The following EYS variants were observed in gnomAD, a reference collection of about 807,000 sequenced individuals.
EYS encodes the protein EGF-like photoreceptor maintenance factor, also known as protein eyes shut homolog.
A neutral mutation model predicts 282.1 loss-of-function variants in EYS; 250 were observed. The ratio of observed to expected loss-of-function variants is 0.89; its 90% CI spans 0.80 to 0.98. The LOEUF (loss-of-function observed/expected upper bound fraction) is 0.98, where lower values mean the gene tolerates loss of function less well. Among genes scored for constraint, EYS ranks in the 50% least tolerant of loss-of-function variants. The pLI, the probability that EYS is intolerant of heterozygous loss-of-function variation, is 0.00. For synonymous variants in EYS, 1,355 were observed against 1,282.9 expected, an observed-to-expected ratio of 1.06 and a Z score of -1.20; for missense variants, 4,016 against 3,709.0, an observed-to-expected ratio of 1.08 and a Z score of -2.15.
At chr6:64,358,058 C>A (rs1393174834) in intron 29 of EYS, among the ~76,000 whole-genome samples, 1 of 151,606 alleles carries the variant, frequency 6.6e-6, no homozygotes, top group African/African-American at 2.4e-5. Flanking sequence ...ATGGATATGT[C>A]TCCTGTTATT....
At chr6:64,475,742 TA>T (rs68076531) in intron 26 of EYS, among the ~76,000 whole-genome samples, 148,222 of 151,880 alleles carry the variant, frequency 0.98, 72,330 homozygotes, top group African/African-American at 0.98. Context: ...GTAAAAGGAA[TA>T]AAAAAAAATC....
chr6:64,390,369 T>C (rs906050248), intron 28 of EYS, among the ~76,000 whole-genome samples: 4 of 152,044 alleles, frequency 2.6e-5, no homozygotes, highest in Non-Finnish European at 5.9e-5. Flanking sequence ...GACTTAAATG[T>C]CCCTGTCTGA....
intron 8 of EYS, among the ~76,000 whole-genome samples, chr6:65,376,090 T>A (rs1765354641): frequency 6.6e-6 from 1 of 152,010 alleles, no homozygotes; most frequent in Non-Finnish European, 1.5e-5. Flanking sequence ...TCTCCAAGGT[T>A]GAAACAAAGG....
intron 28 of EYS, among the ~76,000 whole-genome samples, chr6:64,428,911 C>A (rs1774496842): frequency 6.6e-6 from 1 of 152,092 alleles, no homozygotes; most frequent in Non-Finnish European, 1.5e-5. Context: ...AGTAATTCCA[C>A]ATAAATGCAG....
At chr6:64,865,098 T>G (rs186427253) in intron 19 of EYS, among the ~76,000 whole-genome samples, 147 of 152,282 alleles carry the variant, frequency 9.7e-4, no homozygotes, top group Middle Eastern at 3.4e-3. Flanking sequence ...CTTTTCTGTC[T>G]TAGGATATTG....
chr6:65,278,782 A>C (rs933441416), intron 12 of EYS, among the ~76,000 whole-genome samples: 5 of 152,128 alleles, frequency 3.3e-5, no homozygotes, highest in African/African-American at 1.2e-4. Context: ...AATATACTAC[A>C]TTTACTACCA....
intron 35 of EYS, among the ~76,000 whole-genome samples, chr6:63,950,973 G>T (rs964729287): frequency 6.6e-6 from 1 of 152,038 alleles, no homozygotes; most frequent in Non-Finnish European, 1.5e-5. Context: ...ATGCCTGCTT[G>T]ATTATTCACC....
chr6:63,732,291 AT>A (rs749609922), intron 41 of EYS, among the ~76,000 whole-genome samples: 1 of 152,240 alleles, frequency 6.6e-6, no homozygotes, highest in Admixed American at 6.5e-5. Flanking sequence ...CTCAATACAT[AT>A]TTTTTATATA....
intron 12 of EYS, among the ~76,000 whole-genome samples, chr6:65,066,220 C>T (rs1773741058): frequency 6.6e-6 from 1 of 152,142 alleles, no homozygotes; most frequent in South Asian, 2.1e-4. Context: ...ACTGTCCAAA[C>T]ATGTATATTG....
At chr6:64,764,613 C>T (rs958638874) in intron 22 of EYS, among the ~76,000 whole-genome samples, 7 of 152,224 alleles carry the variant, frequency 4.6e-5, no homozygotes, top group Non-Finnish European at 1.5e-5. Context: ...ACATTTTGCC[C>T]ATCTTTACTT....
intron 26 of EYS, among the ~76,000 whole-genome samples, chr6:64,521,219 T>A (rs1777723342): frequency 6.6e-6 from 1 of 151,788 alleles, no homozygotes; most frequent in South Asian, 2.1e-4. Context: ...AAGTTGCAGT[T>A]TGCTTACATA....
At chr6:64,228,251 T>G (rs112877304) in intron 31 of EYS, among the ~76,000 whole-genome samples, 34 of 152,234 alleles carry the variant, frequency 2.2e-4, no homozygotes, top group African/African-American at 7.0e-4. Flanking sequence ...AAAGAGTAAA[T>G]GGTTAAAAAT....
chr6:63,965,358 G>A (rs1766257710), intron 35 of EYS, among the ~76,000 whole-genome samples: 1 of 152,146 alleles, frequency 6.6e-6, no homozygotes, highest in South Asian at 2.1e-4. Context: ...CCCAACCTAA[G>A]ATTTTCTGCC....
chr6:64,496,293 A>G (rs1776887456), intron 26 of EYS, among the ~76,000 whole-genome samples: 1 of 151,984 alleles, frequency 6.6e-6, no homozygotes, highest in East Asian at 1.9e-4. Flanking sequence ...TTTGAATTAA[A>G]AATTACAACT....
intron 31 of EYS, among the ~76,000 whole-genome samples, chr6:64,107,283 A>ATT (rs1486557983): frequency 5.3e-4 from 44 of 83,560 alleles, no homozygotes; most frequent in South Asian, 1.5e-3. Flanking sequence ...ATATATATAT[A>ATT]TTTATATATA....
chr6:63,920,497 G>C (rs1419566239), intron 35 of EYS, among the ~76,000 whole-genome samples: 1 of 152,198 alleles, frequency 6.6e-6, no homozygotes, highest in African/African-American at 2.4e-5. Context: ...CCCACAAACA[G>C]TATTTCCTTC....
intron 14 of EYS, among the ~76,000 whole-genome samples, chr6:64,950,594 G>A (rs1769454132): frequency 6.6e-6 from 1 of 150,580 alleles, no homozygotes; most frequent in African/African-American, 2.4e-5. Flanking sequence ...AAGAAAAATG[G>A]TTTTATCATT....
At chr6:64,012,925 A>G (rs761772614) in intron 33 of EYS, among the ~76,000 whole-genome samples, 4 of 152,212 alleles carry the variant, frequency 2.6e-5, no homozygotes, top group Non-Finnish European at 5.9e-5. Context: ...AGAGCTTTGT[A>G]TAAAAAGCGC....
chr6:64,136,141 TAAAA>T (rs79149461), intron 31 of EYS, among the ~76,000 whole-genome samples: 66 of 131,360 alleles, frequency 5.0e-4, no homozygotes, highest in African/African-American at 1.7e-3. Flanking sequence ...AGATTCTTTC[TAAAA>T]AAAAAAAAAA....
Sources: allele counts gnomAD v4.1 joint callset (sites outside exome capture counted in the v4.1 genomes callset), GRCh38; gene constraint gnomAD v4.1.1; transcripts MANE v1.5; gene names NCBI Gene and HGNC (gene_info 2026-07-23, HGNC 2026-07-21).